The following CPNE2 variants were observed in gnomAD, a reference collection of about 807,000 sequenced individuals.
CPNE2 encodes the protein copine 2.
Under a neutral mutation model 69.7 loss-of-function variants are expected in CPNE2, and 42 were observed. That is an observed-to-expected ratio of 0.60 (90% confidence interval 0.47 to 0.78). The LOEUF (loss-of-function observed/expected upper bound fraction) is 0.78. CPNE2 is among the 30% of genes least tolerant of loss of function. The pLI is 0.00. For synonymous variants in CPNE2, 294 were observed against 289.8 expected (o/e 1.01, Z -0.15); for missense variants, 587 against 732.0 (o/e 0.80, Z 2.29).
intron 12 of CPNE2, among the ~76,000 whole-genome samples, chr16:57,131,686 TCCCACCTCC>T (rs528843681): frequency 4.6e-5 from 7 of 152,330 alleles, no homozygotes; most frequent in African/African-American, 1.4e-4. Flanking sequence ...AGATGCTGTG[TCCCACCTCC>T]CCCTGCCATG....
At chr16:57,115,620 G>A (rs2069713633) in intron 4 of CPNE2, 70 bp downstream of exon 4, 21 of 954,594 alleles carry the variant, frequency 2.2e-5, no homozygotes, top group African/African-American at 7.5e-5. Context: ...TCAATGGGCC[G>A]CTTCCCTGGC....
chr16:57,125,284 C>T (rs1425032403), intron 10 of CPNE2: 1 of 456,102 alleles, frequency 2.2e-6, no homozygotes, highest in Non-Finnish European at 4.4e-6. Flanking sequence ...CAGCCCTGGG[C>T]CAGGCTTCTC....
At chr16:57,119,764 C>T in intron 7 of CPNE2, 114 bp downstream of exon 7, 1 of 670,264 alleles carries the variant, frequency 1.5e-6, no homozygotes, top group South Asian at 2.0e-5. Flanking sequence ...GTGGAACGAA[C>T]CCCCATCTTT....
At chr16:57,104,902 G>T (rs2069638622) in intron 1 of CPNE2, among the ~76,000 whole-genome samples, 1 of 152,172 alleles carries the variant, frequency 6.6e-6, no homozygotes, top group South Asian at 2.1e-4. Flanking sequence ...GGAGGCCAGT[G>T]CAGCTGGGCC....
At position 57,113,163 on chromosome 16, in the gene CPNE2, C is replaced by T. The variant is rs188523349; in HGVS notation, c.181-125C>T. 35 of 861,486 alleles carry T rather than the reference C, an allele frequency of 4.1e-5. No individual in the cohort carries two copies. The East Asian group carries it at 4.3e-4, about 11-fold the overall frequency. 53.4% of individuals were successfully genotyped at this position (861,486 alleles called of 1,614,324 possible). ...TGAGCTGGGGATAGTGAGTCACTGA[C>T]GATGACCACAAGAGCCTGGCACAGA... On this transcript the variant is annotated intron_variant, in intron 2 of 15. Transcript: ENST00000290776.
At chr16:57,105,773 G>A (rs371846521) in intron 1 of CPNE2, among the ~76,000 whole-genome samples, 245 of 152,286 alleles carry the variant, frequency 1.6e-3, no homozygotes, top group African/African-American at 5.5e-3. Flanking sequence ...TGCCTGGGGG[G>A]TCTGGTCACC....
chr16:57,127,973 G>A, intron 12 of CPNE2, 70 bp downstream of exon 12: 1 of 1,511,636 alleles, frequency 6.6e-7, no homozygotes, highest in Non-Finnish European at 9.2e-7. Flanking sequence ...TCGGGGATCA[G>A]CTCTGGAAAG....
At chr16:57,119,731 G>A (rs2069747616) in intron 7 of CPNE2, 81 bp downstream of exon 7, 1 of 917,470 alleles carries the variant, frequency 1.1e-6, no homozygotes, top group Non-Finnish European at 1.7e-6. Flanking sequence ...GGGATGCCTT[G>A]TAGAAAGCTC....
At chr16:57,137,743 A>G (rs1242812783) in intron 14 of CPNE2, among the ~76,000 whole-genome samples, 1 of 152,210 alleles carries the variant, frequency 6.6e-6, no homozygotes, top group African/African-American at 2.4e-5. Context: ...AGGCTGCCAA[A>G]GTAGCTGCGT....
chr16:57,097,185 C>T (rs2069583099), intron 1 of CPNE2, among the ~76,000 whole-genome samples: 2 of 152,160 alleles, frequency 1.3e-5, no homozygotes, highest in South Asian at 4.1e-4. Flanking sequence ...CTATCACAAT[C>T]ACTTCACCCT....
At chr16:57,127,772 T>C in intron 11 of CPNE2, 77 bp from the exon 12 acceptor site, 1 of 1,431,434 alleles carries the variant, frequency 7.0e-7, no homozygotes, top group South Asian at 1.2e-5. Context: ...TGAGGCAGAG[T>C]GGGCCCAGCC....
intron 7 of CPNE2, among the ~76,000 whole-genome samples, 173 bp downstream of exon 7, chr16:57,119,823 G>T (rs766565248): frequency 1.3e-5 from 2 of 152,216 alleles, no homozygotes; most frequent in Non-Finnish European, 2.9e-5. Flanking sequence ...TCTATCTGAT[G>T]CCCTGAAGTA....
chr16:57,096,616 T>A (rs1362144722), intron 1 of CPNE2, among the ~76,000 whole-genome samples: 1 of 151,612 alleles, frequency 6.6e-6, no homozygotes, highest in Admixed American at 6.6e-5. Flanking sequence ...GGAGGATTGC[T>A]TGAGCCCAGG....
At chr16:57,121,612 G>A (rs1297839877) in intron 8 of CPNE2, 62 bp from the exon 9 acceptor site, 1 of 1,508,474 alleles carries the variant, frequency 6.6e-7, no homozygotes, top group African/African-American at 1.4e-5. Flanking sequence ...CTAGGGCCAA[G>A]GAGGAGGATC....
rs142846304 is a variant in CPNE2 at position 57,140,042 on chromosome 16, G to A, written c.1302+2760G>A. Among the ~76,000 whole-genome samples the A allele has an allele frequency of 8.1e-3, 1,230 of 152,264 alleles. 19 individuals are homozygous for A. The highest frequency in any genetic ancestry group is 0.028 in the African/African-American group (1,155 of 41,544). On this transcript the variant is annotated intron_variant, in intron 14 of 15. Transcript: ENST00000290776. Reference sequence around the variant, plus strand: ...GTAGAGGGAACAGGAAGCGCAGGGCGTGGAGGCAGCACCCGGCCAGAAGGA... The same window carrying A: ...GTAGAGGGAACAGGAAGCGCAGGGCATGGAGGCAGCACCCGGCCAGAAGGA...
At position 57,130,272 on chromosome 16, in the gene CPNE2, G is replaced by A. The variant is rs1210687527; in HGVS notation, c.1116+2369G>A. Among the ~76,000 whole-genome samples, 3 of 151,914 alleles carry A rather than the reference G, an allele frequency of 2.0e-5. No homozygotes were observed. The highest frequency in any genetic ancestry group is 2.9e-5 in the Non-Finnish European group (2 of 67,998). On this transcript the variant is annotated intron_variant, in intron 12 of 15. Transcript: ENST00000290776. This position sits in a 1 kb window ranked among gnomAD's most constrained non-coding sequence, Gnocchi z 4.1. The stretch of plus-strand genomic sequence containing the variant: ...CGGGAGTCTGTAATCCCAGCTACTC[G>A]GGAGGCTGAGGCAGGAAGATCCCTG...
chr16:57,113,215 G>T, intron 2 of CPNE2, 73 bp from the exon 3 acceptor site: 1 of 1,417,422 alleles, frequency 7.1e-7, no homozygotes, highest in South Asian at 1.3e-5. Context: ...TTAGCAGAAT[G>T]ATTTCCAGCA....
intron 14 of CPNE2, among the ~76,000 whole-genome samples, chr16:57,138,214 T>G (rs1181599892): frequency 6.6e-6 from 1 of 152,124 alleles, no homozygotes; most frequent in Admixed American, 6.5e-5. Context: ...CCCACCCCTT[T>G]CTCATCTTCC....
At chr16:57,139,816 G>T (rs2069908564) in intron 14 of CPNE2, among the ~76,000 whole-genome samples, 1 of 151,998 alleles carries the variant, frequency 6.6e-6, no homozygotes, top group South Asian at 2.1e-4. Context: ...TTTGAATCCT[G>T]CCGCTGTCCC....
Sources: allele counts gnomAD v4.1 joint callset (sites outside exome capture counted in the v4.1 genomes callset), GRCh38; gene constraint gnomAD v4.1.1; non-coding constraint Gnocchi (gnomAD v3.1); transcripts MANE v1.5; gene names NCBI Gene and HGNC (gene_info 2026-07-23, HGNC 2026-07-21).